Variants in HCN1 observed in about 807,000 individuals in gnomAD.
HCN1 encodes potassium/sodium hyperpolarization-activated cyclic nucleotide-gated channel 1.
HCN1 carries 13 observed loss-of-function variants against 78.9 expected under a neutral mutation model. That is an observed-to-expected ratio of 0.16 (90% CI 0.11 to 0.26). The LOEUF is 0.26. Ranked by LOEUF, HCN1 falls within the 10% of genes least tolerant of loss-of-function variation. The pLI is 1.00. For missense variants in HCN1, 810 were observed against 1,154.3 expected (o/e 0.70, Z 4.32); for synonymous variants, 552 against 455.5 (o/e 1.21, Z -2.70).
In HCN1 at chr5:45,293,817, G is replaced by T. The variant is rs983762619; in HGVS notation, c.1618+9782C>A. Among the ~76,000 whole-genome samples the T allele has an allele frequency of 3.3e-5, 5 of 152,042 alleles. 1 individual carries two copies. The highest frequency in any genetic ancestry group is 3.3e-4 in the Admixed American group (5 of 15,234). On this transcript the variant is annotated intron_variant, in intron 6 of 7. Transcript: ENST00000303230. ...CACACAATGAGTTAGCAAAGCTTCA[G>T]CTTGTGATTGTGTATTATTTGACAT...
chr5:45,503,471 G>A (rs1016456187), intron 2 of HCN1, among the ~76,000 whole-genome samples: 3 of 151,932 alleles, frequency 2.0e-5, no homozygotes, highest in Non-Finnish European at 4.4e-5. Context: ...TATTTAAAAT[G>A]TATCTTTAAT....
intron 2 of HCN1, among the ~76,000 whole-genome samples, chr5:45,509,462 G>A (rs1345498358): frequency 6.6e-6 from 1 of 152,180 alleles, no homozygotes; most frequent in Admixed American, 6.6e-5. Context: ...TTCTAAGCCT[G>A]CATGCTGCAG....
intron 1 of HCN1, among the ~76,000 whole-genome samples, chr5:45,676,895 G>A (rs16902213): frequency 0.055 from 8,351 of 151,722 alleles, 303 homozygotes; most frequent in East Asian, 0.15. Flanking sequence ...ACCATCTGTC[G>A]ATCAGCTATC....
At chr5:45,345,265 T>G (rs1281756224) in intron 5 of HCN1, among the ~76,000 whole-genome samples, 1 of 152,128 alleles carries the variant, frequency 6.6e-6, no homozygotes, top group African/African-American at 2.4e-5. Flanking sequence ...CTCATGAAAC[T>G]ATTTTTTCCC....
Position 45,549,158 on chromosome 5 carries a change from T to C in HCN1, c.850-87151A>G, listed in dbSNP as rs1743300438. On this transcript the variant is annotated intron_variant, in intron 2 of 7. Transcript: ENST00000303230. The stretch of plus-strand genomic sequence containing the variant: ...TTGGAAAAATCTACTTTAAAGTTCA[T>C]ATGGAACCAAAAAAGAGTCTGCATT... Among the ~76,000 whole-genome samples, 3 of 152,202 alleles carry C rather than the reference T, an allele frequency of 2.0e-5. No homozygotes were observed. In the South Asian group the frequency reaches 6.2e-4, roughly 32 times the overall value.
intron 6 of HCN1, among the ~76,000 whole-genome samples, chr5:45,290,391 T>C (rs987026155): frequency 1.3e-5 from 2 of 152,026 alleles, no homozygotes; most frequent in African/African-American, 4.8e-5. Flanking sequence ...GTCATCACAT[T>C]TGAGACTACA....
chr5:45,593,212 GCACACACA>G lies in HCN1; in HGVS notation c.849+51965_849+51972del, dbSNP rs58822250. Among the ~76,000 whole-genome samples, 1,217 of 149,462 alleles carry G rather than the reference GCACACACA, an allele frequency of 8.1e-3. 6 individuals carry two copies. Among genetic ancestry groups the G allele is most frequent in the Middle Eastern group, 0.055 (16 of 290 alleles). On this transcript the variant is annotated intron_variant, in intron 2 of 7. Transcript: ENST00000303230. ...GTTGCACGCGCGCATGCACGCACGC[GCACACACA>G]CACACACACACACAGACACACACAA...
intron 4 of HCN1, among the ~76,000 whole-genome samples, chr5:45,372,778 T>A (rs937269357): frequency 7.1e-6 from 1 of 140,958 alleles, no homozygotes; most frequent in South Asian, 2.2e-4. Flanking sequence ...ATATACGTAT[T>A]CTATACACAA....
rs1158711057 is a variant in HCN1 at position 45,260,932 on chromosome 5, C to G, written c.*989G>C. The stretch of plus-strand genomic sequence containing the variant: ...AGCATGCAGGGACTATTTTCAGATG[C>G]TTGATTATGGCAAGAAGAAAGAAAA... On this transcript the variant is annotated 3_prime_UTR_variant, in exon 8 of 8. Coordinates refer to ENST00000303230, the MANE Select transcript of HCN1 (RefSeq NM_021072.4). The G allele has an allele frequency of 6.6e-6, 1 of 152,340 alleles. No homozygotes were observed. Among genetic ancestry groups the G allele is most frequent in the Non-Finnish European group, 1.5e-5 (1 of 67,996 alleles). 9.4% of individuals were successfully genotyped at this position (152,340 alleles called of 1,614,324 possible).
At chr5:45,543,894 A>G (rs574081088) in intron 2 of HCN1, among the ~76,000 whole-genome samples, 12 of 152,194 alleles carry the variant, frequency 7.9e-5, no homozygotes, top group African/African-American at 2.9e-4. Context: ...TATTATTTTT[A>G]TTTCACGAAT....
At chr5:45,327,276 T>A (rs922511856) in intron 5 of HCN1, among the ~76,000 whole-genome samples, 1 of 151,686 alleles carries the variant, frequency 6.6e-6, no homozygotes, top group Non-Finnish European at 1.5e-5. Flanking sequence ...TGTCCAGAAG[T>A]ATGCTGAACT....
intron 6 of HCN1, among the ~76,000 whole-genome samples, chr5:45,299,381 G>A (rs1745561395): frequency 6.6e-6 from 1 of 151,814 alleles, no homozygotes; most frequent in African/African-American, 2.4e-5. Flanking sequence ...CCGTAAAAAG[G>A]GAACCATATA....
intron 5 of HCN1, among the ~76,000 whole-genome samples, chr5:45,311,661 T>C (rs947152734): frequency 4.6e-5 from 7 of 152,146 alleles, no homozygotes; most frequent in African/African-American, 1.4e-4. Context: ...AAAGGAACAG[T>C]TCGATATAAA....
At chr5:45,675,815 A>C (rs1746255002) in intron 1 of HCN1, among the ~76,000 whole-genome samples, 1 of 151,870 alleles carries the variant, frequency 6.6e-6, no homozygotes, top group Non-Finnish European at 1.5e-5. Context: ...AAGTCATTTC[A>C]GTGTGAATAT....
chr5:45,655,791 A>G (rs2589162), intron 1 of HCN1, among the ~76,000 whole-genome samples: 77,142 of 151,854 alleles, frequency 0.51, 20,905 homozygotes, highest in African/African-American at 0.7. Context: ...GAGATCACCT[A>G]TTTCAAAAGG....
At chr5:45,572,659 T>C (rs1743859718) in intron 2 of HCN1, among the ~76,000 whole-genome samples, 1 of 152,162 alleles carries the variant, frequency 6.6e-6, no homozygotes, top group South Asian at 2.1e-4. Flanking sequence ...AAAATGGTCT[T>C]ACCATACATA....
chr5:45,387,277 T>C (rs536930388), intron 4 of HCN1, among the ~76,000 whole-genome samples: 37 of 152,152 alleles, frequency 2.4e-4, no homozygotes, highest in African/African-American at 6.5e-4. Flanking sequence ...AAGTAAACTA[T>C]AATATCTTAC....
chr5:45,484,337 G>C (rs1321048176), intron 2 of HCN1, among the ~76,000 whole-genome samples: 2 of 152,088 alleles, frequency 1.3e-5, no homozygotes, highest in Admixed American at 1.3e-4. Flanking sequence ...TGGAGGCTGG[G>C]GCAGCAGAAT....
chr5:45,473,343 T>C (rs1182618163), intron 2 of HCN1, among the ~76,000 whole-genome samples: 1 of 151,926 alleles, frequency 6.6e-6, no homozygotes. Flanking sequence ...ATGCATATAT[T>C]CTCCAGTGCA....
Sources: allele counts gnomAD v4.1 joint callset (sites outside exome capture counted in the v4.1 genomes callset), GRCh38; gene constraint gnomAD v4.1.1; transcripts MANE v1.5; gene names NCBI Gene and HGNC (gene_info 2026-07-23, HGNC 2026-07-21).